Variants in NAV3 observed in about 807,000 individuals in gnomAD.
The protein encoded by NAV3 is neuron navigator 3.
In NAV3, 87 loss-of-function variants were observed where a neutral mutation model predicts 244.7. The observed-to-expected ratio is 0.36, with a 90% CI of 0.30 to 0.42. The LOEUF is 0.42. NAV3 is among the 20% of genes least tolerant of loss of function. The pLI is 1.00. For missense variants in NAV3, 2,663 were observed against 2,893.3 expected, an observed-to-expected ratio of 0.92 and a Z score of 1.83; for synonymous variants, 1,126 against 1,042.2, an observed-to-expected ratio of 1.08 and a Z score of -1.55.
intron 22 of NAV3, among the ~76,000 whole-genome samples, chr12:78,152,599 T>A (rs762632955): frequency 5.3e-5 from 8 of 151,946 alleles, no homozygotes; most frequent in Non-Finnish European, 1.2e-4. Flanking sequence ...TAATACTTGA[T>A]TTTTCCTCAG....
chr12:78,141,038 T>C (rs414059), intron 20 of NAV3, among the ~76,000 whole-genome samples: 106,320 of 151,642 alleles, frequency 0.7, 37,608 homozygotes, highest in African/African-American at 0.76. Context: ...ACTACAGGCA[T>C]GCACCACCAT....
At chr12:77,832,950 G>A (rs1054658511) in intron 1 of NAV3, among the ~76,000 whole-genome samples, 6 of 151,990 alleles carry the variant, frequency 3.9e-5, no homozygotes, top group African/African-American at 1.4e-4. Context: ...AATAATTTAA[G>A]GAAAAAACCT....
At chr12:78,012,166 T>TTC (rs1875407729) in intron 8 of NAV3, among the ~76,000 whole-genome samples, 1 of 152,164 alleles carries the variant, frequency 6.6e-6, no homozygotes, top group Non-Finnish European at 1.5e-5. Flanking sequence ...CAATGACCCC[T>TTC]TCTCCATACA....
At chr12:77,600,896 T>C (rs1819148247) in intron 2 of NAV3, among the ~76,000 whole-genome samples, 2 of 151,954 alleles carry the variant, frequency 1.3e-5, no homozygotes, top group Admixed American at 6.6e-5. Flanking sequence ...AGGCTTCTGC[T>C]TAAAATCTAG....
At chr12:77,911,099 A>G (rs536736619) in intron 1 of NAV3, among the ~76,000 whole-genome samples, 1 of 152,248 alleles carries the variant, frequency 6.6e-6, no homozygotes, top group Non-Finnish European at 1.5e-5. Flanking sequence ...GAATGGAAGA[A>G]TGAATACCCT....
At chr12:77,940,244 A>T in intron 1 of NAV3, 75 bp from the exon 2 acceptor site, 1 of 1,070,720 alleles carries the variant, frequency 9.3e-7, no homozygotes, top group Non-Finnish European at 1.4e-6. Flanking sequence ...TTTGAATCCA[A>T]CATTTGTCTT....
chr12:77,712,502 G>T (rs887863074), intron 2 of NAV3, among the ~76,000 whole-genome samples: 6 of 151,806 alleles, frequency 4.0e-5, no homozygotes, highest in Admixed American at 3.3e-4. Context: ...AAGTATTTGG[G>T]GTAAAAAAGT....
intron 36 of NAV3, 172 bp from the exon 37 acceptor site, chr12:78,199,163 A>C (rs939207910): frequency 1.4e-6 from 1 of 690,664 alleles, no homozygotes. Context: ...CTCTCATCCT[A>C]GTAGACCTCC....
At chr12:78,072,075 A>G (rs1018383718) in intron 12 of NAV3, among the ~76,000 whole-genome samples, 7 of 151,756 alleles carry the variant, frequency 4.6e-5, no homozygotes, top group African/African-American at 1.7e-4. Flanking sequence ...TGCCCACAAG[A>G]GAAAGCAGAA....
intron 2 of NAV3, among the ~76,000 whole-genome samples, chr12:77,695,199 T>C (rs1332170256): frequency 1.3e-5 from 2 of 152,184 alleles, no homozygotes; most frequent in Non-Finnish European, 2.9e-5. Context: ...CCTGTGCTTG[T>C]GGGGTATGGC....
intron 2 of NAV3, among the ~76,000 whole-genome samples, chr12:77,810,264 C>T (rs541880306): frequency 1.7e-3 from 261 of 152,246 alleles, no homozygotes; most frequent in Non-Finnish European, 2.9e-3. Context: ...CTCCGCCTCC[C>T]GGGTTCACGC....
chr12:78,188,211 G>A (rs2139839776), intron 31 of NAV3, 37 bp from the exon 32 acceptor site: 1 of 1,426,882 alleles, frequency 7.0e-7, no homozygotes, highest in Non-Finnish European at 9.8e-7. Flanking sequence ...AAGATACACG[G>A]TTGGATTTTA....
chr12:78,131,998 T>A (rs190372973), intron 18 of NAV3, among the ~76,000 whole-genome samples: 11 of 152,302 alleles, frequency 7.2e-5, no homozygotes, highest in African/African-American at 2.6e-4. Context: ...AAGATTGTAT[T>A]TTTGAAGTAC....
chr12:77,642,954 T>C (rs1198337355), intron 2 of NAV3, among the ~76,000 whole-genome samples: 1 of 152,060 alleles, frequency 6.6e-6, no homozygotes, highest in Non-Finnish European at 1.5e-5. Flanking sequence ...TTTTCATAAA[T>C]CTTTTATAAC....
chr12:78,070,610 G>C (rs1952708895), intron 12 of NAV3, among the ~76,000 whole-genome samples: 1 of 151,444 alleles, frequency 6.6e-6, no homozygotes, highest in Non-Finnish European at 1.5e-5. Flanking sequence ...GTGCAGGTTA[G>C]TTACATATGT....
intron 2 of NAV3, among the ~76,000 whole-genome samples, chr12:77,750,246 C>T (rs7307904): frequency 3.3e-5 from 5 of 151,828 alleles, no homozygotes; most frequent in South Asian, 2.1e-4. Context: ...CCAGCTACTC[C>T]GGAGGCTGAT....
intron 5 of NAV3, among the ~76,000 whole-genome samples, chr12:77,977,502 T>C (rs1291256860): frequency 2.0e-5 from 3 of 152,158 alleles, no homozygotes; most frequent in Admixed American, 6.6e-5. Context: ...ATATTAAAAC[T>C]ACGGTTTGGT....
chr12:77,655,165 A>G (rs180867825), intron 2 of NAV3, among the ~76,000 whole-genome samples: 5,893 of 151,988 alleles, frequency 0.039, 186 homozygotes, highest in African/African-American at 0.051. Flanking sequence ...TCCGAGCTAC[A>G]GGAGGAAATT....
At chr12:77,588,663 G>C (rs1455558221) in intron 2 of NAV3, among the ~76,000 whole-genome samples, 1 of 152,130 alleles carries the variant, frequency 6.6e-6, no homozygotes, top group African/African-American at 2.4e-5. Flanking sequence ...ACTATCTACT[G>C]TGTGTGTTGA....
Sources: gnomAD v4.1 joint callset for allele counts (sites outside exome capture counted in the v4.1 genomes callset) on GRCh38, gnomAD v4.1.1 for gene constraint, MANE v1.5 for transcripts, NCBI Gene and HGNC (gene_info 2026-07-23, HGNC 2026-07-21) for gene names.